CHAT: variants seen among roughly 807,000 people sequenced by gnomAD.
The protein encoded by CHAT is acetyl CoA:choline O-acetyltransferase.
A neutral mutation model predicts 76.9 loss-of-function variants in CHAT; 61 were observed. That is an observed-to-expected ratio of 0.79 (90% CI 0.65 to 0.98). CHAT has a LOEUF of 0.98. Among genes scored for constraint, CHAT ranks in the 50% least tolerant of loss-of-function variants. CHAT has a pLI of 0.00. For synonymous variants in CHAT, 407 were observed against 397.4 expected (o/e 1.02, Z -0.29); for missense variants, 946 against 986.9 (o/e 0.96, Z 0.56).
At chr10:49,627,229 C>G (rs752297687) in intron 6 of CHAT, among the ~76,000 whole-genome samples, 2 of 152,224 alleles carry the variant, frequency 1.3e-5, no homozygotes, top group African/African-American at 2.4e-5. Flanking sequence ...TTTCTCTAAG[C>G]CTCAGGCTAA....
Position 49,667,038 on chromosome 10 carries a change from G to A in CHAT, c.*1992G>A, listed in dbSNP as rs1348181457. ...CCAAATGACATGCATGCCCAGAGACGCAGTTCCTTCCACTGTCAAATGAGA... is the reference window on the plus strand; with the variant it reads ...CCAAATGACATGCATGCCCAGAGACACAGTTCCTTCCACTGTCAAATGAGA... On this transcript the variant is annotated 3_prime_UTR_variant, in exon 15 of 15. Coordinates refer to ENST00000337653, the MANE Select transcript of CHAT (RefSeq NM_020549.5). Among the ~76,000 whole-genome samples, 4 of 152,174 alleles carry A rather than the reference G, an allele frequency of 2.6e-5. No individual in the cohort carries two copies. The highest frequency in any genetic ancestry group is 4.8e-5 in the African/African-American group (2 of 41,442).
intron 7 of CHAT, among the ~76,000 whole-genome samples, chr10:49,632,740 T>C (rs1916562): frequency 0.97 from 147,761 of 152,294 alleles, 71,715 homozygotes; most frequent in East Asian, 1. Context: ...CCTTGAGCCT[T>C]CACCCTGCCC....
rs2132695528 is a variant in CHAT at position 49,614,487 on chromosome 10, G to T, written c.286+12G>T. 1 of 1,540,940 alleles carries T rather than the reference G, an allele frequency of 6.5e-7. No individual in the cohort carries two copies. The highest frequency in any genetic ancestry group is 1.4e-5 in the African/African-American group (1 of 73,096). ...GCCGAGGAGAGCAGGTGAGAAGAAG[G>T]GCTGGGCTGGGCTGGCGGAGCGCGG... On this transcript the variant is annotated intron_variant, in intron 1 of 14. Coordinates refer to ENST00000337653, the MANE Select transcript of CHAT (RefSeq NM_020549.5).
intron 7 of CHAT, among the ~76,000 whole-genome samples, chr10:49,628,679 G>A (rs973808078): frequency 1.3e-5 from 2 of 152,344 alleles, no homozygotes; most frequent in Non-Finnish European, 2.9e-5. Flanking sequence ...ACTTCAGAGA[G>A]GGGACGGAGC....
Position 49,648,607 on chromosome 10 carries a change from T to C in CHAT, c.1382T>C (p.Val461Ala), listed in dbSNP as rs918273981. Reference sequence around the variant, plus strand: ...TGCACTGAGCATCTGCTCAAGCACGTGTGAGTCTGGATCCCAGGGCTGCCA... The same window carrying C: ...TGCACTGAGCATCTGCTCAAGCACGCGTGAGTCTGGATCCCAGGGCTGCCA... ...VQCTEHLLKHVTQSSRKLIRA... is the reference protein window; with the variant it reads ...VQCTEHLLKHATQSSRKLIRA... The change falls in exon 9 of 15, where the codon GTG becomes GCG. Residue 461 changes from valine (V) to alanine (A), a missense_variant and splice_region_variant. Around this residue, in one of 3 missense-constraint regions of CHAT, gnomAD observed 349 missense variants for 393.9 expected, o/e 0.89. Transcript: ENST00000337653. 26 of 1,605,660 alleles carry C rather than the reference T, an allele frequency of 1.6e-5. No homozygotes were observed. Among genetic ancestry groups the C allele is most frequent in the Non-Finnish European group, 1.3e-5 (15 of 1,173,356 alleles).
At chr10:49,639,680 A>G (rs1435699630) in intron 7 of CHAT, among the ~76,000 whole-genome samples, 10 of 151,800 alleles carry the variant, frequency 6.6e-5, no homozygotes, top group Non-Finnish European at 1.5e-4. Flanking sequence ...TTTGACTATG[A>G]TATGTTTTGG....
intron 11 of CHAT, among the ~76,000 whole-genome samples, chr10:49,654,115 A>G (rs908062090): frequency 2.6e-5 from 4 of 152,250 alleles, no homozygotes; most frequent in Non-Finnish European, 4.4e-5. Flanking sequence ...GGGTTGGTCA[A>G]TGACTGGCCA....
At chr10:49,611,770 C>G (rs78571038), upstream of CHAT, 218 of 1,603,356 alleles carry the variant, frequency 1.4e-4, no homozygotes, top group Middle Eastern at 1.2e-3. Flanking sequence ...GGGCGTCTAC[C>G]TCACCGTGCG....
At chr10:49,639,980 C>A (rs143589328) in intron 7 of CHAT, among the ~76,000 whole-genome samples, 7 of 152,076 alleles carry the variant, frequency 4.6e-5, no homozygotes, top group Non-Finnish European at 8.8e-5. Context: ...CCATCCACTG[C>A]GCTTTCTATA....
intron 11 of CHAT, among the ~76,000 whole-genome samples, chr10:49,654,349 T>C (rs1839968935): frequency 6.6e-6 from 1 of 152,262 alleles, no homozygotes; most frequent in Non-Finnish European, 1.5e-5. Flanking sequence ...CACGACTTGC[T>C]GGGTGACATT....
intron 5 of CHAT, among the ~76,000 whole-genome samples, chr10:49,624,342 C>T (rs1457637682): frequency 3.9e-5 from 6 of 152,230 alleles, no homozygotes; most frequent in Admixed American, 6.5e-5. Flanking sequence ...TTGCTACAAA[C>T]ATTTCTGGGT....
chr10:49,661,843 A>G lies in CHAT; in HGVS notation c.1840-802A>G, dbSNP rs900742298. ...AGAATGAGTACCCGGCCCCACTTCC[A>G]GACACCTCACCCTCCGTGAACCCCT... On this transcript the variant is annotated intron_variant, in intron 13 of 14. Coordinates refer to ENST00000337653, the MANE Select transcript of CHAT (RefSeq NM_020549.5). Among the ~76,000 whole-genome samples the G allele has an allele frequency of 1.3e-5, 2 of 152,160 alleles. 1 individual carries two copies. Among genetic ancestry groups the G allele is most frequent in the Non-Finnish European group, 2.9e-5 (2 of 68,020 alleles).
At chr10:49,662,928 T>C (rs1048464133) in intron 14 of CHAT, 146 bp downstream of exon 14, 3 of 1,057,766 alleles carry the variant, frequency 2.8e-6, no homozygotes, top group Non-Finnish European at 4.4e-6. Flanking sequence ...ATGATCTGAA[T>C]GTTCATTAGA....
At chr10:49,651,479 T>C (rs1249390517) in intron 10 of CHAT, among the ~76,000 whole-genome samples, 2 of 152,216 alleles carry the variant, frequency 1.3e-5, no homozygotes, top group African/African-American at 4.8e-5. Context: ...TTGTTCAATA[T>C]GAGGGTCAGC....
chr10:49,615,718 C>T (rs2132699505), intron 1 of CHAT: 1 of 418,752 alleles, frequency 2.4e-6, no homozygotes, highest in Admixed American at 3.8e-5. Context: ...TCTTTGCCCT[C>T]TTGGCCTGGC....
Position 49,665,390 on chromosome 10 carries a change from T to C in CHAT, c.*344T>C, listed in dbSNP as rs1840320217. ...TGTCTCCTTCCCTAGCAGGACCTAG[T>C]ATGTCCAGGTGATGCTTCTGCCCAA... On this transcript the variant is annotated 3_prime_UTR_variant, in exon 15 of 15. Coordinates refer to ENST00000337653, the MANE Select transcript of CHAT (RefSeq NM_020549.5). Among the ~76,000 whole-genome samples, 1 of 152,146 alleles carries C rather than the reference T, an allele frequency of 6.6e-6. No individual in the cohort carries two copies.
intron 7 of CHAT, 61 bp from the exon 8 acceptor site, chr10:49,646,444 G>A: frequency 6.2e-7 from 1 of 1,600,070 alleles, no homozygotes; most frequent in Non-Finnish European, 8.6e-7. Flanking sequence ...GTGGGGCTCT[G>A]AGGAGGGAAG....
intron 7 of CHAT, among the ~76,000 whole-genome samples, chr10:49,645,561 C>A (rs1488122532): frequency 5.9e-5 from 9 of 152,196 alleles, no homozygotes; most frequent in Admixed American, 2.6e-4. Flanking sequence ...AGGCCTGGCC[C>A]CCAACAGGTC....
At chr10:49,611,230 G>C, upstream of CHAT, 2 of 1,613,830 alleles carry the variant, frequency 1.2e-6, no homozygotes, top group Non-Finnish European at 1.7e-6. Flanking sequence ...CGTCATGTTC[G>C]CCTCTACAGT....
Sources: allele counts gnomAD v4.1 joint callset (sites outside exome capture counted in the v4.1 genomes callset), GRCh38; gene constraint gnomAD v4.1.1; regional missense constraint gnomAD v4.1.1; transcripts MANE v1.5; gene names NCBI Gene and HGNC (gene_info 2026-07-23, HGNC 2026-07-21).